Variants in NAALADL2 observed in about 807,000 individuals in gnomAD.
NAALADL2 encodes N-acetylated alpha-linked acidic dipeptidase like 2.
In NAALADL2, 76 loss-of-function variants were observed where a neutral mutation model predicts 87.2. That is an observed-to-expected ratio of 0.87 (90% CI 0.72 to 1.05). The LOEUF (loss-of-function observed/expected upper bound fraction) is 1.05. Among genes scored for constraint, NAALADL2 ranks in the 50% least tolerant of loss-of-function variants. NAALADL2 has a pLI of 0.00. For synonymous variants in NAALADL2, 354 were observed against 331.0 expected, an observed-to-expected ratio of 1.07 and a Z score of -0.75; for missense variants, 1,089 against 945.8, an observed-to-expected ratio of 1.15 and a Z score of -1.99.
chr3:174,970,030 A>T (rs140533926), intron 1 of NAALADL2, among the ~76,000 whole-genome samples: 161 of 152,304 alleles, frequency 1.1e-3, no homozygotes, highest in African/African-American at 3.6e-3. Flanking sequence ...TTTCTCTTCA[A>T]GCTTTTTGGA....
intron 13 of NAALADL2, among the ~76,000 whole-genome samples, chr3:175,758,394 ATT>A (rs1747550414): frequency 6.6e-6 from 1 of 151,602 alleles, no homozygotes; most frequent in East Asian, 1.9e-4. Flanking sequence ...TACTATATTA[ATT>A]TATATATATT....
At chr3:174,622,769 G>A (rs558617740) in intron 2 of NAALADL2, among the ~76,000 whole-genome samples, 2 of 152,186 alleles carry the variant, frequency 1.3e-5, no homozygotes, top group African/African-American at 2.4e-5. Context: ...GGCCGGGCGC[G>A]GTGGCTCACG....
chr3:174,855,994 ATATATATATG>A (rs1353713784), upstream of NAALADL2, among the ~76,000 whole-genome samples: 11 of 150,680 alleles, frequency 7.3e-5, no homozygotes, highest in Admixed American at 2.7e-4. Flanking sequence ...ATATATATAT[ATATATATATG>A]AGAGAGAGAA....
chr3:175,807,604 G>A lies in NAALADL2; in HGVS notation c.*4401G>A, dbSNP rs910801992. ...ATTATTTTAAACTACCAATCCATATGTTGAGTGGAAAGGAAGTTGGCCCAC... is the reference window on the plus strand; with the variant it reads ...ATTATTTTAAACTACCAATCCATATATTGAGTGGAAAGGAAGTTGGCCCAC... On this transcript the variant is annotated 3_prime_UTR_variant, in exon 14 of 14. Transcript: ENST00000454872. 1 of 151,836 alleles carries A rather than the reference G, an allele frequency of 6.6e-6. No homozygotes were observed. The highest frequency in any genetic ancestry group is 1.5e-5 in the Non-Finnish European group (1 of 67,888). 9.4% of individuals were successfully genotyped at this position (151,836 alleles called of 1,614,324 possible).
chr3:174,797,922 C>G (rs1407568852), intron 3 of NAALADL2, among the ~76,000 whole-genome samples: 1 of 151,978 alleles, frequency 6.6e-6, no homozygotes, highest in Admixed American at 6.6e-5. Flanking sequence ...ATCTAAGAAG[C>G]CATTGCTTTC....
chr3:174,706,152 C>G (rs1314316022), intron 2 of NAALADL2, among the ~76,000 whole-genome samples: 2 of 152,126 alleles, frequency 1.3e-5, no homozygotes, highest in African/African-American at 4.8e-5. Flanking sequence ...TTATAAAACT[C>G]TCACATACAC....
At chr3:175,480,391 A>G (rs1219578495) in intron 9 of NAALADL2, among the ~76,000 whole-genome samples, 1 of 151,770 alleles carries the variant, frequency 6.6e-6, no homozygotes, top group African/African-American at 2.4e-5. Context: ...AGCAACTCTA[A>G]CTCATTTGTC....
intron 9 of NAALADL2, among the ~76,000 whole-genome samples, chr3:175,551,613 A>G (rs895146980): frequency 6.6e-6 from 1 of 152,156 alleles, no homozygotes; most frequent in African/African-American, 2.4e-5. Flanking sequence ...AGTTCACACA[A>G]GAGGGGCCGG....
At chr3:174,906,024 A>G (rs1019274245) in intron 1 of NAALADL2, among the ~76,000 whole-genome samples, 4 of 152,080 alleles carry the variant, frequency 2.6e-5, no homozygotes, top group Non-Finnish European at 4.4e-5. Context: ...CATATTGAAT[A>G]CCTAGAAATC....
chr3:174,474,543 T>G (rs1342776373), intron 1 of NAALADL2, among the ~76,000 whole-genome samples: 1 of 152,146 alleles, frequency 6.6e-6, no homozygotes, highest in East Asian at 1.9e-4. Flanking sequence ...TGAAAATCAG[T>G]AATATTTACA....
chr3:174,602,694 T>A (rs1718577315), intron 2 of NAALADL2, among the ~76,000 whole-genome samples: 1 of 152,072 alleles, frequency 6.6e-6, no homozygotes, highest in Non-Finnish European at 1.5e-5. Flanking sequence ...GTGATCATCC[T>A]TGTTGTATTC....
intron 10 of NAALADL2, among the ~76,000 whole-genome samples, chr3:175,621,691 T>C (rs1726253340): frequency 6.6e-6 from 1 of 152,170 alleles, no homozygotes; most frequent in South Asian, 2.1e-4. Flanking sequence ...ATAACAACTA[T>C]TTACATAGTA....
chr3:174,868,228 C>T (rs541423664), intron 1 of NAALADL2, among the ~76,000 whole-genome samples: 10 of 152,056 alleles, frequency 6.6e-5, no homozygotes, highest in African/African-American at 2.2e-4. Flanking sequence ...AGTGAGGTAT[C>T]GAAATACTAA....
At chr3:174,997,986 T>G (rs530661528) in intron 1 of NAALADL2, among the ~76,000 whole-genome samples, 1 of 152,140 alleles carries the variant, frequency 6.6e-6, no homozygotes, top group African/African-American at 2.4e-5. Context: ...TTCCTTCGTG[T>G]TTTTTACTCT....
At chr3:174,906,487 C>A (rs1732972042) in intron 1 of NAALADL2, among the ~76,000 whole-genome samples, 1 of 152,064 alleles carries the variant, frequency 6.6e-6, no homozygotes, top group Non-Finnish European at 1.5e-5. Context: ...CAAGGGAAGT[C>A]AAGTGTATGT....
chr3:175,609,483 T>G (rs962964751), intron 10 of NAALADL2: 1 of 152,122 alleles, frequency 6.6e-6, no homozygotes, highest in Non-Finnish European at 1.5e-5. Context: ...GTAGTTAGCT[T>G]TGTGCAGTGG....
At chr3:174,824,067 C>A (rs1458508043) in intron 3 of NAALADL2, among the ~76,000 whole-genome samples, 1 of 152,094 alleles carries the variant, frequency 6.6e-6, no homozygotes, top group African/African-American at 2.4e-5. Context: ...GCAGTAATCA[C>A]CATGCTAACT....
chr3:175,757,070 C>T (rs1747367022), intron 13 of NAALADL2, among the ~76,000 whole-genome samples: 1 of 151,106 alleles, frequency 6.6e-6, no homozygotes, highest in Admixed American at 6.6e-5. Flanking sequence ...TGTGAAAGTC[C>T]AAATTTGTGG....
intron 2 of NAALADL2, among the ~76,000 whole-genome samples, chr3:175,158,552 A>G (rs1732664524): frequency 6.6e-6 from 1 of 152,130 alleles, no homozygotes; most frequent in Non-Finnish European, 1.5e-5. Flanking sequence ...TAATCAGGAC[A>G]TATCAGAAGA....
Sources: gnomAD v4.1 joint callset for allele counts (sites outside exome capture counted in the v4.1 genomes callset) on GRCh38, gnomAD v4.1.1 for gene constraint, MANE v1.5 for transcripts, NCBI Gene and HGNC (gene_info 2026-07-23, HGNC 2026-07-21) for gene names.